The following HLA-DQA1 variants were observed in gnomAD, a reference collection of about 807,000 sequenced individuals.
HLA-DQA1 encodes major histocompatibility complex, class II, DQ alpha 1, also known as HLA class II histocompatibility antigen, DQ alpha 1 chain.
HLA-DQA1 carries 10 observed loss-of-function variants against 20.7 expected under a neutral mutation model. The observed-to-expected ratio is 0.48, with a 90% CI of 0.30 to 0.82. The LOEUF (loss-of-function observed/expected upper bound fraction) is 0.82. HLA-DQA1 is among the 40% of genes least tolerant of loss of function. HLA-DQA1 has a pLI of 0.07. For synonymous variants in HLA-DQA1, 39 were observed against 109.2 expected (o/e 0.36, Z 4.01); for missense variants, 127 against 293.0 (o/e 0.43, Z 4.14).
the HLA-DQA1 span, among the ~76,000 whole-genome samples, chr6:32,653,208 G>T: frequency 6.9e-6 from 1 of 145,262 alleles, no homozygotes; most frequent in Non-Finnish European, 1.5e-5. Context: ...CAGTGTTCTA[G>T]TTCCTGAGAA....
chr6:32,644,320 T>G (rs9273056), downstream of HLA-DQA1: 86,251 of 151,670 alleles, frequency 0.57, 24,762 homozygotes, highest in Middle Eastern at 0.7. Flanking sequence ...GGAGAAAAAA[T>G]ACAAAACATT....
intron 2 of HLA-DQA1, 44 bp downstream of exon 2, chr6:32,641,602 C>T (rs9272718): frequency 0.18 from 157,810 of 853,304 alleles, 59,800 homozygotes; most frequent in South Asian, 0.43. Flanking sequence ...AGTTATCCCT[C>T]CATACCAGGG....
At chr6:32,654,042 C>T in the HLA-DQA1 span, among the ~76,000 whole-genome samples, 1,423 of 103,106 alleles carry the variant, frequency 0.014, 160 homozygotes, top group African/African-American at 0.044. Flanking sequence ...GTTGTGGTGG[C>T]TCATGCCTGT....
intron 1 of HLA-DQA1, among the ~76,000 whole-genome samples, chr6:32,641,032 T>C (rs28383428): frequency 0.07 from 6,501 of 92,784 alleles, 931 homozygotes; most frequent in East Asian, 0.099. Flanking sequence ...TATTTAATCA[T>C]AAGTCCATGA....
At chr6:32,645,271 C>CAA (rs1781821414), downstream of HLA-DQA1, 4 of 150,894 alleles carry the variant, frequency 2.7e-5, no homozygotes, top group East Asian at 4.0e-4. Context: ...CAGCAGTCCC[C>CAA]AGCCTTTTTG....
At chr6:32,651,366 T>C (rs1782176643), downstream of HLA-DQA1, among the ~76,000 whole-genome samples, 7 of 81,494 alleles carry the variant, frequency 8.6e-5, 1 homozygote, top group South Asian at 4.1e-4. Flanking sequence ...GGGCAGATCA[T>C]TAGGTCAGGA....
chr6:32,644,362 C>G (rs939054390), downstream of HLA-DQA1: 2 of 152,122 alleles, frequency 1.3e-5, no homozygotes, highest in African/African-American at 4.8e-5. Context: ...TAGTTTGGTG[C>G]AAAGAACCCT....
At chr6:32,640,981 A>G (rs183677542) in intron 1 of HLA-DQA1, among the ~76,000 whole-genome samples, 3 of 107,772 alleles carry the variant, frequency 2.8e-5, no homozygotes, top group Non-Finnish European at 6.2e-5. Flanking sequence ...AAAGCTAAAT[A>G]CTATGATAAC....
At chr6:32,646,425 G>A (rs955076969), downstream of HLA-DQA1, 8 of 112,284 alleles carry the variant, frequency 7.1e-5, 1 homozygote, top group African/African-American at 2.5e-4. Context: ...AATGCATGGC[G>A]GCACTCCTGT....
At chr6:32,645,100 C>T (rs535836924), downstream of HLA-DQA1, 44 of 137,736 alleles carry the variant, frequency 3.2e-4, 1 homozygote, top group Admixed American at 2.5e-3. Context: ...CTCAAATCCA[C>T]AGAATATATA....
At chr6:32,641,078 A>G (rs75046941) in intron 1 of HLA-DQA1, among the ~76,000 whole-genome samples, 9,380 of 112,004 alleles carry the variant, frequency 0.084, 1,836 homozygotes, top group Admixed American at 0.11. Flanking sequence ...AAAATTGGAC[A>G]TGCGATATTC....
Position 32,641,953 on chromosome 6 carries a change from T to G in HLA-DQA1, c.332-19T>G. 2 of 1,480,708 alleles carry G rather than the reference T, an allele frequency of 1.4e-6. 1 individual carries two copies. The highest frequency in any genetic ancestry group is 1.8e-6 in the Non-Finnish European group (2 of 1,093,776). 91.7% of individuals were successfully genotyped at this position (1,480,708 alleles called of 1,614,324 possible). The stretch of plus-strand genomic sequence containing the variant: ...CAGAGCTATTCACACTTCACACCAG[T>G]GCTGTTTCCTCACCACAGAGGTTCC... On this transcript the variant is annotated intron_variant, in intron 2 of 4. Coordinates refer to ENST00000343139, the MANE Select transcript of HLA-DQA1 (RefSeq NM_002122.5).
chr6:32,651,600 A>AAAAAAAAAAAAAAAAAG, downstream of HLA-DQA1, among the ~76,000 whole-genome samples: 1 of 85,966 alleles, frequency 1.2e-5, no homozygotes, highest in Non-Finnish European at 2.5e-5. Flanking sequence ...AAAAAAAAAA[A>AAAAAAAAAAAAAAAAAG]AAAAAGACAA....
At chr6:32,642,431 AC>A (rs778039835) in intron 3 of HLA-DQA1, 178 bp downstream of exon 3, 1 of 654,880 alleles carries the variant, frequency 1.5e-6, no homozygotes, top group South Asian at 1.7e-5. Context: ...AAATGAAAGT[AC>A]ACTCTACAGG....
chr6:32,638,701 G>GAAAGGAAGGAAAGAAGGAAA (rs1781086794), intron 1 of HLA-DQA1, among the ~76,000 whole-genome samples: 1 of 78,364 alleles, frequency 1.3e-5, no homozygotes. Flanking sequence ...AAGAAAGCGA[G>GAAAGGAAGGAAAGAAGGAAA]GAAGGAAGGA....
downstream of HLA-DQA1, chr6:32,645,745 C>T (rs1229277575): frequency 2.0e-5 from 2 of 98,346 alleles, 1 homozygote; most frequent in African/African-American, 7.0e-5. Flanking sequence ...AAAACAGTCA[C>T]ATTAAAATGC....
chr6:32,654,452 G>C, the HLA-DQA1 span, among the ~76,000 whole-genome samples: 7,255 of 124,208 alleles, frequency 0.058, 648 homozygotes, highest in South Asian at 0.15. Context: ...CAAAATCTGA[G>C]AATGCTCAAG....
intron 3 of HLA-DQA1, 112 bp from the exon 4 acceptor site, chr6:32,642,498 C>T (rs1781515785): frequency 1.1e-6 from 1 of 881,748 alleles, no homozygotes; most frequent in Non-Finnish European, 1.8e-6. Flanking sequence ...ACTCTTCTCC[C>T]TAAGCCTGGG....
chr6:32,654,783 A>C, the HLA-DQA1 span, among the ~76,000 whole-genome samples: 1 of 95,778 alleles, frequency 1.0e-5, no homozygotes, highest in South Asian at 3.2e-4. Context: ...TTGGGAGGCC[A>C]AGGTGGGTGG....
Sources: gnomAD v4.1 joint callset for allele counts (sites outside exome capture counted in the v4.1 genomes callset) on GRCh38, gnomAD v4.1.1 for gene constraint, MANE v1.5 for transcripts, NCBI Gene and HGNC (gene_info 2026-07-23, HGNC 2026-07-21) for gene names.